The following RSPO2 variants were observed in gnomAD, a reference collection of about 807,000 sequenced individuals.
RSPO2 encodes R-spondin-2.
A neutral mutation model predicts 30.9 loss-of-function variants in RSPO2; 14 were observed. That is an observed-to-expected ratio of 0.45 (90% CI 0.30 to 0.71). The LOEUF (loss-of-function observed/expected upper bound fraction) is 0.71, where lower values mean the gene tolerates loss of function less well. RSPO2 is among the 30% of genes least tolerant of loss of function. The pLI is 0.08. For synonymous variants in RSPO2, 107 were observed against 96.4 expected (o/e 1.11, Z -0.64); for missense variants, 264 against 301.9 (o/e 0.87, Z 0.93).
intron 2 of RSPO2, among the ~76,000 whole-genome samples, chr8:108,069,800 T>C (rs1032429909): frequency 5.9e-5 from 9 of 152,214 alleles, no homozygotes; most frequent in African/African-American, 1.9e-4. Context: ...CTCTACCAAA[T>C]GTAACTCACG....
At chr8:108,082,855 C>T in intron 1 of RSPO2, 48 bp from the exon 2 acceptor site, 1 of 512,654 alleles carries the variant, frequency 2.0e-6, no homozygotes, top group Non-Finnish European at 3.4e-6. Flanking sequence ...TGGAGAGAGC[C>T]CCGGGGAGGC....
chr8:107,914,969 G>C (rs1241688801), intron 5 of RSPO2, among the ~76,000 whole-genome samples: 1 of 152,162 alleles, frequency 6.6e-6, no homozygotes, highest in Non-Finnish European at 1.5e-5. Context: ...AACTGCAGCT[G>C]TTTTAATGAC....
chr8:107,907,074 C>T (rs1203117341), intron 5 of RSPO2, among the ~76,000 whole-genome samples: 2 of 151,626 alleles, frequency 1.3e-5, no homozygotes, highest in African/African-American at 4.8e-5. Flanking sequence ...TTTACTTATT[C>T]ACATAATGTA....
At chr8:108,047,501 C>T (rs1484610765) in intron 2 of RSPO2, among the ~76,000 whole-genome samples, 1 of 152,190 alleles carries the variant, frequency 6.6e-6, no homozygotes, top group South Asian at 2.1e-4. Flanking sequence ...CAGGAAAATT[C>T]TTGAAAGGCT....
chr8:108,055,735 G>T (rs190169484), intron 2 of RSPO2, among the ~76,000 whole-genome samples: 32 of 152,214 alleles, frequency 2.1e-4, no homozygotes, highest in Admixed American at 5.2e-4. Flanking sequence ...AAATTTCTTG[G>T]GGATAAGGGA....
chr8:107,996,959 T>A (rs1294337820), intron 2 of RSPO2: 2 of 451,990 alleles, frequency 4.4e-6, no homozygotes, highest in East Asian at 1.4e-4. Flanking sequence ...CACGAGGAAT[T>A]CCCTTAAAGC....
chr8:108,033,552 T>C (rs1266142130), intron 2 of RSPO2, among the ~76,000 whole-genome samples: 1 of 152,210 alleles, frequency 6.6e-6, no homozygotes, highest in Non-Finnish European at 1.5e-5. Flanking sequence ...AAATATTCAA[T>C]TACCCCAGAG....
intron 2 of RSPO2, among the ~76,000 whole-genome samples, chr8:108,058,401 A>G (rs988239233): frequency 6.6e-6 from 1 of 152,240 alleles, no homozygotes; most frequent in Non-Finnish European, 1.5e-5. Flanking sequence ...AAGAATCAAT[A>G]TCATGAAAAT....
At chr8:107,982,128 T>G (rs1343060081) in intron 3 of RSPO2, among the ~76,000 whole-genome samples, 1 of 151,224 alleles carries the variant, frequency 6.6e-6, no homozygotes, top group African/African-American at 2.4e-5. Context: ...GGTAGAATCA[T>G]AAAATGTAGC....
chr8:108,070,514 G>A (rs1012185273), intron 2 of RSPO2, among the ~76,000 whole-genome samples: 13 of 151,744 alleles, frequency 8.6e-5, no homozygotes, highest in African/African-American at 2.9e-4. Flanking sequence ...GGATGGTCTC[G>A]ATCTCCTGAC....
intron 3 of RSPO2, among the ~76,000 whole-genome samples, chr8:107,981,866 T>C (rs1346474611): frequency 2.0e-5 from 3 of 151,688 alleles, no homozygotes; most frequent in Admixed American, 6.6e-5. Context: ...GCATCTCTAA[T>C]AATACATTTT....
chr8:108,048,341 ACTG>A (rs1811971042), intron 2 of RSPO2, among the ~76,000 whole-genome samples: 6 of 151,716 alleles, frequency 4.0e-5, no homozygotes, highest in Non-Finnish European at 8.8e-5. Context: ...TGCATCCCTC[ACTG>A]AGTTGCACAA....
At chr8:107,979,576 C>T (rs1328890620) in intron 3 of RSPO2, among the ~76,000 whole-genome samples, 4 of 151,846 alleles carry the variant, frequency 2.6e-5, no homozygotes, top group South Asian at 4.2e-4. Flanking sequence ...GATACTAATG[C>T]TAAATGACAA....
chr8:107,915,353 C>A (rs1485362664), intron 5 of RSPO2, among the ~76,000 whole-genome samples: 2 of 152,162 alleles, frequency 1.3e-5, no homozygotes, highest in South Asian at 4.2e-4. Flanking sequence ...TCTGCCAACA[C>A]CTTCTTCCTT....
rs1465807706 is a variant in RSPO2 at position 107,958,159 on chromosome 8, C to A, written c.537G>T (p.Lys179Asn). Residue 179 changes from lysine to asparagine, a missense_variant, in exon 5 of 6, where the codon AAG becomes AAT. Transcript: ENST00000276659. ...GACACAGTATTGTGTCTTTCACTGG[C>A]TTTTTAACAATTTGCCGTGTTCTGG... ...LETRTRQIVK[K>N]PVKDTILCPT... 6.2e-7 allele frequency: 1 copy of A among 1,613,756 alleles called. No homozygotes were observed. Among genetic ancestry groups the A allele is most frequent in the Non-Finnish European group, 8.5e-7 (1 of 1,179,754 alleles).
At chr8:108,026,116 G>A (rs1344619996) in intron 2 of RSPO2, among the ~76,000 whole-genome samples, 2 of 152,186 alleles carry the variant, frequency 1.3e-5, no homozygotes, top group Non-Finnish European at 2.9e-5. Context: ...ACAATAGCAT[G>A]TTTGTTGTAT....
At chr8:107,962,353 T>A (rs1356934433) in intron 3 of RSPO2, among the ~76,000 whole-genome samples, 1 of 152,190 alleles carries the variant, frequency 6.6e-6, no homozygotes, top group Non-Finnish European at 1.5e-5. Flanking sequence ...AAATGCCAAC[T>A]CTTTGCCTTT....
At chr8:107,925,158 A>C (rs1054957670) in intron 5 of RSPO2, among the ~76,000 whole-genome samples, 2 of 151,924 alleles carry the variant, frequency 1.3e-5, no homozygotes, top group African/African-American at 4.8e-5. Context: ...GTTAAGGTTG[A>C]GAGGGGATGT....
chr8:108,080,034 G>A (rs907058670), intron 2 of RSPO2, among the ~76,000 whole-genome samples: 5 of 152,192 alleles, frequency 3.3e-5, no homozygotes, highest in African/African-American at 1.2e-4. Flanking sequence ...AACAATTGGT[G>A]TAGGATCAAT....
Sources: gnomAD v4.1 joint callset for allele counts (sites outside exome capture counted in the v4.1 genomes callset) on GRCh38, gnomAD v4.1.1 for gene constraint, MANE v1.5 for transcripts, NCBI Gene and HGNC (gene_info 2026-07-23, HGNC 2026-07-21) for gene names.